NEGR1: variants seen among roughly 807,000 people sequenced by gnomAD.
NEGR1 encodes the protein IgLON family member 4.
Under a neutral mutation model 40.9 loss-of-function variants are expected in NEGR1, and 10 were observed. The observed-to-expected ratio is 0.24, with a 90% CI of 0.15 to 0.42. The LOEUF (loss-of-function observed/expected upper bound fraction) is 0.42, where lower values mean the gene tolerates loss of function less well. NEGR1 is among the 10% of genes least tolerant of loss of function. The pLI, the probability that NEGR1 is intolerant of heterozygous loss-of-function variation, is 1.00. For synonymous variants in NEGR1, 185 were observed against 166.8 expected, an observed-to-expected ratio of 1.11 and a Z score of -0.84; for missense variants, 352 against 438.9, an observed-to-expected ratio of 0.80 and a Z score of 1.77.
intron 1 of NEGR1, among the ~76,000 whole-genome samples, chr1:71,970,636 C>T (rs1052779058): frequency 3.3e-5 from 5 of 151,810 alleles, no homozygotes; most frequent in African/African-American, 7.3e-5. Context: ...TTCAGTGAGC[C>T]GAGATAGTGC....
intron 2 of NEGR1, among the ~76,000 whole-genome samples, chr1:71,850,137 TTTTGTTTGTTTG>T (rs370506321): frequency 1.5e-4 from 14 of 93,410 alleles, no homozygotes; most frequent in Admixed American, 5.8e-4. Flanking sequence ...TACTGTCTTT[TTTTGTTTGTTTG>T]TTTGTTTGTT....
intron 2 of NEGR1, among the ~76,000 whole-genome samples, chr1:71,781,982 T>A (rs1355527463): frequency 6.6e-6 from 1 of 152,156 alleles, no homozygotes; most frequent in Admixed American, 6.6e-5. Context: ...AGTGAGTGAA[T>A]TTTAAAAGAT....
intron 4 of NEGR1, among the ~76,000 whole-genome samples, chr1:71,645,299 T>A (rs1651494170): frequency 6.6e-6 from 1 of 152,042 alleles, no homozygotes; most frequent in African/African-American, 2.4e-5. Context: ...ATTTGTTGAC[T>A]GTTAGGTAAA....
At chr1:71,444,709 C>T (rs1255646735) in intron 6 of NEGR1, among the ~76,000 whole-genome samples, 2 of 146,026 alleles carry the variant, frequency 1.4e-5, no homozygotes, top group Non-Finnish European at 3.0e-5. Flanking sequence ...GCTTGCAAAG[C>T]CAAAACTATT....
intron 1 of NEGR1, among the ~76,000 whole-genome samples, chr1:71,937,791 A>G (rs1457334699): frequency 6.6e-6 from 1 of 152,184 alleles, no homozygotes; most frequent in Non-Finnish European, 1.5e-5. Context: ...AAGGAAGCAG[A>G]AAATTAATTA....
chr1:71,523,931 A>G (rs1647184334), intron 6 of NEGR1, among the ~76,000 whole-genome samples: 1 of 151,864 alleles, frequency 6.6e-6, no homozygotes, highest in African/African-American at 2.4e-5. Context: ...AGCAAAAATT[A>G]GAGGGCTCAT....
At chr1:71,560,645 T>A (rs1314271948) in intron 6 of NEGR1, among the ~76,000 whole-genome samples, 1 of 151,060 alleles carries the variant, frequency 6.6e-6, no homozygotes, top group Non-Finnish European at 1.5e-5. Context: ...GTAATTAGAA[T>A]TACTCTTAGC....
intron 6 of NEGR1, among the ~76,000 whole-genome samples, chr1:71,523,041 T>C (rs1346761153): frequency 6.6e-6 from 1 of 151,970 alleles, no homozygotes; most frequent in Non-Finnish European, 1.5e-5. Context: ...TCATGTTTTG[T>C]TGTTTGTTTA....
chr1:71,637,640 T>C (rs531367140), intron 4 of NEGR1, among the ~76,000 whole-genome samples: 1 of 152,070 alleles, frequency 6.6e-6, no homozygotes, highest in Admixed American at 6.6e-5. Context: ...AGCAGTCGCA[T>C]TGATGTCACC....
intron 2 of NEGR1, among the ~76,000 whole-genome samples, chr1:71,862,422 T>C (rs2101824433): frequency 6.6e-6 from 1 of 152,198 alleles, no homozygotes; most frequent in Admixed American, 6.6e-5. Context: ...ACTCACTCCC[T>C]GTTTCCCTAG....
chr1:71,527,532 C>T (rs1221711476), intron 6 of NEGR1, among the ~76,000 whole-genome samples: 3 of 151,496 alleles, frequency 2.0e-5, no homozygotes, highest in African/African-American at 7.3e-5. Context: ...ATTACCCAAC[C>T]TTCTTGCTAT....
At chr1:72,142,901 T>A (rs944539443) in intron 1 of NEGR1, among the ~76,000 whole-genome samples, 1 of 151,916 alleles carries the variant, frequency 6.6e-6, no homozygotes, top group Admixed American at 6.6e-5. Context: ...TGCATTATTC[T>A]GATTATATAT....
intron 6 of NEGR1, among the ~76,000 whole-genome samples, chr1:71,445,038 C>T (rs1291010084): frequency 6.6e-6 from 1 of 152,088 alleles, no homozygotes; most frequent in East Asian, 1.9e-4. Flanking sequence ...CACAAACATG[C>T]ATACACACAA....
intron 1 of NEGR1, among the ~76,000 whole-genome samples, chr1:71,971,406 T>C (rs551410013): frequency 6.6e-6 from 1 of 152,358 alleles, no homozygotes; most frequent in Admixed American, 6.5e-5. Context: ...TACACAACTT[T>C]CTGTGCCTCA....
intron 2 of NEGR1, among the ~76,000 whole-genome samples, chr1:71,858,760 C>T (rs1570439022): frequency 6.6e-6 from 1 of 151,988 alleles, no homozygotes; most frequent in African/African-American, 2.4e-5. Flanking sequence ...CATGAAAATA[C>T]AAAATAATAT....
At chr1:71,769,213 T>C (rs1368045012) in intron 3 of NEGR1, among the ~76,000 whole-genome samples, 1 of 152,166 alleles carries the variant, frequency 6.6e-6, no homozygotes, top group Non-Finnish European at 1.5e-5. Context: ...AATACAATCA[T>C]ATGTAATACA....
intron 6 of NEGR1, among the ~76,000 whole-genome samples, chr1:71,501,301 A>T (rs1646997549): frequency 6.6e-6 from 1 of 152,138 alleles, no homozygotes; most frequent in Non-Finnish European, 1.5e-5. Context: ...AAATTAATGC[A>T]TTATTTGTTA....
At chr1:72,123,315 A>G (rs1649875385) in intron 1 of NEGR1, among the ~76,000 whole-genome samples, 1 of 151,948 alleles carries the variant, frequency 6.6e-6, no homozygotes, top group Non-Finnish European at 1.5e-5. Flanking sequence ...TTGTATTAGT[A>G]TAATTCATGC....
At chr1:72,149,729 A>G (rs558213068) in intron 1 of NEGR1, among the ~76,000 whole-genome samples, 1 of 151,936 alleles carries the variant, frequency 6.6e-6, no homozygotes, top group South Asian at 2.1e-4. Context: ...CTAAAAATAC[A>G]AAATTAGCCG....
Sources: gnomAD v4.1 joint callset for allele counts (sites outside exome capture counted in the v4.1 genomes callset) on GRCh38, gnomAD v4.1.1 for gene constraint, MANE v1.5 for transcripts, NCBI Gene and HGNC (gene_info 2026-07-23, HGNC 2026-07-21) for gene names.